Variants in CYTH3 observed in about 807,000 individuals in gnomAD.
CYTH3 encodes the protein cytohesin 3, also known as cytohesin-3.
In CYTH3, 23 loss-of-function variants were observed where a neutral mutation model predicts 55.1. The ratio of observed to expected loss-of-function variants is 0.42; its 90% CI spans 0.30 to 0.59. The LOEUF is 0.59. Among genes scored for constraint, CYTH3 ranks in the 20% least tolerant of loss-of-function variants. The pLI is 0.20. For synonymous variants in CYTH3, 249 were observed against 194.9 expected, an observed-to-expected ratio of 1.28 and a Z score of -2.31; for missense variants, 413 against 524.8, an observed-to-expected ratio of 0.79 and a Z score of 2.08.
chr7:6,264,810 A>G (rs923757934), intron 1 of CYTH3, among the ~76,000 whole-genome samples: 3 of 152,242 alleles, frequency 2.0e-5, no homozygotes, highest in African/African-American at 7.2e-5. Context: ...TCTTGGAGAT[A>G]TAACTGGATA....
intron 1 of CYTH3, among the ~76,000 whole-genome samples, chr7:6,263,449 G>A (rs1033790026): frequency 6.6e-6 from 1 of 152,060 alleles, no homozygotes; most frequent in Non-Finnish European, 1.5e-5. Context: ...AGAAGACTAG[G>A]GAGCTCACCT....
intron 1 of CYTH3, among the ~76,000 whole-genome samples, chr7:6,220,889 G>A (rs1226801554): frequency 6.6e-6 from 1 of 152,010 alleles, no homozygotes; most frequent in Non-Finnish European, 1.5e-5. Context: ...CCAGCCAATT[G>A]GGAGGCAGTG....
intron 1 of CYTH3, among the ~76,000 whole-genome samples, chr7:6,261,557 T>C (rs966775506): frequency 1.3e-5 from 2 of 151,524 alleles, no homozygotes; most frequent in African/African-American, 2.4e-5. Context: ...TCTACAAAAA[T>C]AAAAAATAAT....
intron 1 of CYTH3, among the ~76,000 whole-genome samples, chr7:6,221,745 C>G (rs1003499796): frequency 5.9e-5 from 9 of 151,950 alleles, no homozygotes; most frequent in Non-Finnish European, 1.2e-4. Context: ...ACGCCTGTAA[C>G]CTCAATACTC....
intron 12 of CYTH3, 103 bp downstream of exon 12, chr7:6,165,170 A>G (rs1403717225): frequency 3.2e-6 from 5 of 1,554,908 alleles, no homozygotes; most frequent in Middle Eastern, 2.1e-4. Context: ...TGGAGACAGA[A>G]GGTCCACTCT....
In CYTH3 at chr7:6,165,396, T is replaced by C. The variant is rs1782965867; in HGVS notation, c.1004A>G (p.Lys335Arg). Residue 335 changes from lysine (K) to arginine (R), a missense_variant, in exon 12 of 13, where the codon AAA becomes AGA. This residue lies in a region of CYTH3 where 98 missense variants were observed against 115.2 expected (regional missense o/e 0.85). Transcript: ENST00000350796. ...CTTACAGGCCTTGATGACCTGCCCTTTGTGGCTGGGATTGTAGAGCTCAAA... is the reference window on the plus strand; with the variant it reads ...CTTACAGGCCTTGATGACCTGCCCTCTGTGGCTGGGATTGTAGAGCTCAAA... ...NCFELYNPSH[K>R]GQVIKACKTE... is the part of the protein sequence containing the mutation. The C allele has an allele frequency of 9.9e-6, 16 of 1,614,108 alleles. No homozygotes were observed. The highest frequency in any genetic ancestry group is 1.3e-5 in the Non-Finnish European group (15 of 1,180,000).
At position 6,170,824 on chromosome 7, in the gene CYTH3, G is replaced by A. The variant is rs1464606560; in HGVS notation, c.711+6C>T. 2 of 1,609,098 alleles carry A rather than the reference G, an allele frequency of 1.2e-6. No individual in the cohort carries two copies. The highest frequency in any genetic ancestry group is 1.7e-6 in the Non-Finnish European group (2 of 1,177,810). ...GACGGCAGCGGCCGCGGGCCGGGGA[G>A]CTCACCCTCAGCAGCTCCTCAGGGA... On this transcript the variant is annotated splice_donor_region_variant and intron_variant, in intron 8 of 12. Coordinates refer to ENST00000350796, the MANE Select transcript of CYTH3 (RefSeq NM_004227.4). This position sits in a 1 kb window ranked among gnomAD's most constrained non-coding sequence, Gnocchi z 7.8.
intron 1 of CYTH3, among the ~76,000 whole-genome samples, chr7:6,241,100 C>T (rs760208836): frequency 5.9e-5 from 9 of 151,648 alleles, no homozygotes; most frequent in African/African-American, 2.2e-4. Flanking sequence ...CCAGCCTGGG[C>T]GACAGAGTGA....
Position 6,186,137 on chromosome 7 carries a change from G to A in CYTH3, c.249+913C>T, listed in dbSNP as rs867042843. 3.3e-5 allele frequency among the ~76,000 whole-genome samples: 5 copies of A among 151,620 alleles called. No homozygotes were observed. In the South Asian group the frequency reaches 6.3e-4, roughly 19 times the overall value. On this transcript the variant is annotated intron_variant, in intron 4 of 12. Transcript: ENST00000350796. ...CGGGCGCCTGTAGTCTCAGCTACCC[G>A]GGAGGCTGAGGCAGGAGAATGGCGT...
chr7:6,239,513 A>G (rs1779617669), intron 1 of CYTH3, among the ~76,000 whole-genome samples: 1 of 152,230 alleles, frequency 6.6e-6, no homozygotes, highest in Non-Finnish European at 1.5e-5. Context: ...AACAGAATGC[A>G]TTGGCCAATG....
chr7:6,194,553 G>C (rs1007930382), intron 1 of CYTH3, among the ~76,000 whole-genome samples: 1 of 152,196 alleles, frequency 6.6e-6, no homozygotes, highest in African/African-American at 2.4e-5. Context: ...AAAACAATTT[G>C]TCTATTAATA....
In CYTH3 at chr7:6,201,338, C is replaced by T. The variant is rs901675419; in HGVS notation, c.35-10807G>A. Among the ~76,000 whole-genome samples, 11 of 152,198 alleles carry T rather than the reference C, an allele frequency of 7.2e-5. 1 individual carries two copies. The highest frequency in any genetic ancestry group is 6.2e-4 in the South Asian group (3 of 4,830). On this transcript the variant is annotated intron_variant, in intron 1 of 12. Coordinates refer to ENST00000350796, the MANE Select transcript of CYTH3 (RefSeq NM_004227.4). ...GAGCTGCAGGGGCAGGCAGGAAAGC[C>T]GCAGAGGCTCCAAGGGTCCGATTCT...
At chr7:6,212,467 T>C (rs539233598) in intron 1 of CYTH3, among the ~76,000 whole-genome samples, 2 of 152,272 alleles carry the variant, frequency 1.3e-5, no homozygotes, top group African/African-American at 2.4e-5. Flanking sequence ...TTCTACTTTG[T>C]CTCTATGAAT....
In CYTH3 at chr7:6,169,889, G is replaced by A. The variant is rs1783122239; in HGVS notation, c.823+646C>T. 6.6e-6 allele frequency among the ~76,000 whole-genome samples: 1 copy of A among 152,138 alleles called. No homozygotes were observed. Among genetic ancestry groups the A allele is most frequent in the African/African-American group, 2.4e-5 (1 of 41,420 alleles). On this transcript the variant is annotated intron_variant, in intron 9 of 12. Coordinates refer to ENST00000350796, the MANE Select transcript of CYTH3 (RefSeq NM_004227.4). The surrounding 1 kb of genome is among the most constrained non-coding windows in gnomAD (Gnocchi z 4.1). ...CACACAGCATCCCCATGTGCTCCAGGTCCCAGCCACTCTCAGCCCCGCCCC... is the reference window on the plus strand; with the variant it reads ...CACACAGCATCCCCATGTGCTCCAGATCCCAGCCACTCTCAGCCCCGCCCC...
intron 1 of CYTH3, among the ~76,000 whole-genome samples, chr7:6,239,715 A>G (rs1176373981): frequency 2.6e-5 from 4 of 152,220 alleles, no homozygotes; most frequent in African/African-American, 9.6e-5. Flanking sequence ...AGCTTTCATA[A>G]ATTCAAATAA....
chr7:6,227,950 T>C (rs1583179151), intron 1 of CYTH3, among the ~76,000 whole-genome samples: 1 of 152,206 alleles, frequency 6.6e-6, no homozygotes, highest in Non-Finnish European at 1.5e-5. Context: ...TGTTTAATTA[T>C]GAAAATGTGG....
At chr7:6,261,635 G>T (rs144308400) in intron 1 of CYTH3, among the ~76,000 whole-genome samples, 4 of 138,798 alleles carry the variant, frequency 2.9e-5, no homozygotes, top group Non-Finnish European at 4.6e-5. Flanking sequence ...AGGATCATAG[G>T]ATCATTTGAG....
intron 1 of CYTH3, among the ~76,000 whole-genome samples, chr7:6,252,683 T>A (rs28441149): frequency 0.037 from 5,620 of 152,218 alleles, 353 homozygotes; most frequent in African/African-American, 0.13. Context: ...TTTTTTTAAA[T>A]CAATAGGAAA....
At position 6,271,518 on chromosome 7, in the gene CYTH3, C is replaced by A. The variant is rs545855726; in HGVS notation, c.34+956G>T. 2.9e-4 allele frequency among the ~76,000 whole-genome samples: 44 copies of A among 152,166 alleles called. 1 individual carries two copies. In the South Asian group the frequency reaches 6.8e-3, roughly 24 times the overall value. On this transcript the variant is annotated intron_variant, in intron 1 of 12. Coordinates refer to ENST00000350796, the MANE Select transcript of CYTH3 (RefSeq NM_004227.4). ...AAAAAAGTCTAGAGAACCTCAACTTCGGCTGTTCCTGTAAAAACACGGGCA... is the reference window on the plus strand; with the variant it reads ...AAAAAAGTCTAGAGAACCTCAACTTAGGCTGTTCCTGTAAAAACACGGGCA...
Sources: gnomAD v4.1 joint callset for allele counts (sites outside exome capture counted in the v4.1 genomes callset) on GRCh38, gnomAD v4.1.1 for gene constraint, gnomAD v4.1.1 regional missense constraint, Gnocchi (gnomAD v3.1) non-coding constraint, MANE v1.5 for transcripts, NCBI Gene and HGNC (gene_info 2026-07-23, HGNC 2026-07-21) for gene names.